DCAF5: variants seen among roughly 807,000 people sequenced by gnomAD.
The protein encoded by DCAF5 is DDB1 and CUL4 associated factor 5, also known as DDB1- and CUL4-associated factor 5.
Under a neutral mutation model 80.7 loss-of-function variants are expected in DCAF5, and 9 were observed. The ratio of observed to expected loss-of-function variants is 0.11; its 90% CI spans 0.07 to 0.19. DCAF5 has a LOEUF of 0.19. Ranked by LOEUF, DCAF5 falls within the 10% of genes least tolerant of loss-of-function variation. The probability of loss-of-function intolerance (pLI) is 1.00; values close to 1 mark genes in which losing one functional copy is unlikely to be tolerated. For synonymous variants in DCAF5, 433 were observed against 461.9 expected (o/e 0.94, Z 0.80); for missense variants, 842 against 1,205.7 (o/e 0.70, Z 4.47).
At chr14:69,084,618 T>G (rs574716643) in intron 6 of DCAF5, 1 of 902,456 alleles carries the variant, frequency 1.1e-6, no homozygotes, top group South Asian at 1.5e-5. Flanking sequence ...AAGAGATTCC[T>G]TCTACTCTTT....
intron 5 of DCAF5, among the ~76,000 whole-genome samples, chr14:69,093,811 C>T (rs1292824439): frequency 6.6e-6 from 1 of 152,180 alleles, no homozygotes; most frequent in African/African-American, 2.4e-5. Context: ...AGAGGGAAGA[C>T]TTAGAAAACC....
chr14:69,129,903 A>G (rs1475925858), intron 1 of DCAF5, among the ~76,000 whole-genome samples: 1 of 152,226 alleles, frequency 6.6e-6, no homozygotes, highest in Non-Finnish European at 1.5e-5. Context: ...ACCCCAAGAA[A>G]ATACAACTAC....
intron 7 of DCAF5, among the ~76,000 whole-genome samples, chr14:69,071,481 A>G (rs1026394120): frequency 1.3e-5 from 2 of 151,976 alleles, no homozygotes; most frequent in African/African-American, 4.8e-5. Context: ...CTTGTCATCT[A>G]GAGTCTAGTT....
chr14:69,071,013 G>T (rs555650743), intron 7 of DCAF5, among the ~76,000 whole-genome samples: 192 of 152,186 alleles, frequency 1.3e-3, no homozygotes, highest in Non-Finnish European at 2.3e-3. Flanking sequence ...AGCCAGATTG[G>T]TCTCAAACTC....
intron 5 of DCAF5, among the ~76,000 whole-genome samples, chr14:69,113,390 C>T (rs191556685): frequency 3.2e-4 from 48 of 152,250 alleles, no homozygotes; most frequent in African/African-American, 1.1e-3. Context: ...CTTTTGGAGT[C>T]AAGGGTCTCT....
chr14:69,122,803 C>G (rs2040761622), intron 1 of DCAF5, among the ~76,000 whole-genome samples: 1 of 152,170 alleles, frequency 6.6e-6, no homozygotes, highest in Non-Finnish European at 1.5e-5. Context: ...AAGCAATCTT[C>G]TTGATATGAT....
intron 5 of DCAF5, among the ~76,000 whole-genome samples, chr14:69,104,240 C>T (rs963588761): frequency 3.9e-5 from 6 of 152,162 alleles, no homozygotes; most frequent in African/African-American, 1.4e-4. Context: ...AGTTTCTCCA[C>T]ATCTTTACCA....
chr14:69,125,870 ATACTT>A (rs943424424), intron 1 of DCAF5, among the ~76,000 whole-genome samples: 3 of 152,294 alleles, frequency 2.0e-5, no homozygotes, highest in African/African-American at 7.2e-5. Context: ...ATACAAAACA[ATACTT>A]TATATTGTTT....
In DCAF5 at chr14:69,075,432, T is replaced by C. The variant is rs755611119; in HGVS notation, c.880-21A>G. On this transcript the variant is annotated intron_variant, in intron 6 of 8. Transcript: ENST00000341516. ...ATATACTGTTGGAACAAAAAATATA[T>C]AGATAACATTATATATTATAATATA... 8.8e-6 allele frequency: 13 copies of C among 1,480,320 alleles called. No individual in the cohort carries two copies. The South Asian group carries it at 1.2e-4, about 14-fold the overall frequency. 91.7% of individuals were successfully genotyped at this position (1,480,320 alleles called of 1,614,324 possible). A position where few individuals can be genotyped will look rare whatever the true frequency, so the allele number is the denominator to read the frequency against.
chr14:69,137,839 A>G lies in DCAF5; in HGVS notation c.214+14926T>C, dbSNP rs145417782. ...TTCACATAACTTTTATTACAGTATA[A>G]TATTATAATTGTTCTACTTTATTAC... is the stretch of plus-strand genomic sequence containing the variant. On this transcript the variant is annotated intron_variant, in intron 1 of 8. Transcript: ENST00000341516. Among the ~76,000 whole-genome samples the G allele has an allele frequency of 5.3e-5, 8 of 151,950 alleles. 1 individual carries two copies. The East Asian group carries it at 1.2e-3, about 22-fold the overall frequency.
intron 5 of DCAF5, among the ~76,000 whole-genome samples, chr14:69,103,403 C>A (rs2040031415): frequency 6.6e-6 from 1 of 152,200 alleles, no homozygotes; most frequent in Non-Finnish European, 1.5e-5. Flanking sequence ...AAAAGGAGAA[C>A]ATTATTACCT....
At chr14:69,077,558 T>C (rs1594954911) in intron 6 of DCAF5, among the ~76,000 whole-genome samples, 1 of 151,920 alleles carries the variant, frequency 6.6e-6, no homozygotes. Context: ...TAATTTTTTA[T>C]AGTGACAGGG....
rs1046601513 is a variant in DCAF5 at position 69,118,404 on chromosome 14, A to C, written c.396-126T>G. The C allele has an allele frequency of 4.4e-6, 4 of 908,354 alleles. No individual in the cohort carries two copies. The highest frequency in any genetic ancestry group is 6.2e-6 in the Non-Finnish European group (4 of 640,642). The allele number at this position is 908,354 out of a possible 1,614,324, so 56.3% of individuals were successfully genotyped here. A position where few individuals can be genotyped will look rare whatever the true frequency, so the allele number is the denominator to read the frequency against. On this transcript the variant is annotated intron_variant, in intron 3 of 8. Transcript: ENST00000341516. This position sits in a 1 kb window ranked among gnomAD's most constrained non-coding sequence, Gnocchi z 4.0. ...GAAGAAAGTCAACCTAGCTAAACCCAAAAAATATTATATTTCCTGAAAGGT... is the reference window on the plus strand; with the variant it reads ...GAAGAAAGTCAACCTAGCTAAACCCCAAAAATATTATATTTCCTGAAAGGT...
intron 5 of DCAF5, among the ~76,000 whole-genome samples, chr14:69,108,901 A>C (rs191667160): frequency 5.7e-4 from 87 of 152,060 alleles, no homozygotes; most frequent in African/African-American, 1.9e-3. Flanking sequence ...GGTCCACCTG[A>C]CTCTTCTCGT....
In DCAF5 at chr14:69,089,983, G is replaced by A. The variant is rs181892567; in HGVS notation, c.879+1691C>T. 902 of 985,406 alleles carry A rather than the reference G, an allele frequency of 9.2e-4. 3 individuals carry two copies. Among genetic ancestry groups the A allele is most frequent in the Non-Finnish European group, 1.0e-3 (858 of 829,934 alleles). 61.0% of individuals were successfully genotyped at this position (985,406 alleles called of 1,614,324 possible). ...GAGGTCTTTGTTCTGGGTCTTCTAAGGTCCATGAAGATAGGCTTTGTTGCT... is the reference window on the plus strand; with the variant it reads ...GAGGTCTTTGTTCTGGGTCTTCTAAAGTCCATGAAGATAGGCTTTGTTGCT... On this transcript the variant is annotated intron_variant, in intron 6 of 8. Coordinates refer to ENST00000341516, the MANE Select transcript of DCAF5 (RefSeq NM_003861.3).
At chr14:69,078,478 G>T (rs1194197747) in intron 6 of DCAF5, among the ~76,000 whole-genome samples, 1 of 152,160 alleles carries the variant, frequency 6.6e-6, no homozygotes, top group African/African-American at 2.4e-5. Flanking sequence ...CTGAAAACAA[G>T]ATCAGAGATA....
At chr14:69,077,746 C>T (rs3861671) in intron 6 of DCAF5, among the ~76,000 whole-genome samples, 10 of 152,114 alleles carry the variant, frequency 6.6e-5, no homozygotes, top group Non-Finnish European at 1.5e-4. Context: ...AAGTGTAAGT[C>T]CAACATACAC....
Position 69,153,027 on chromosome 14 carries a change from TCA to T in DCAF5, c.-51_-50del. ...TCGCGCCGCCGCCCCTCCCTCGGCC[TCA>T]CGCGCGGCCGCTGCTCCCCCCACCC... On this transcript the variant is annotated 5_prime_UTR_variant, in exon 1 of 9. Coordinates refer to ENST00000341516, the MANE Select transcript of DCAF5 (RefSeq NM_003861.3). The T allele has an allele frequency of 7.1e-7, 1 of 1,410,214 alleles. No homozygotes were observed. 87.4% of individuals were successfully genotyped at this position (1,410,214 alleles called of 1,614,324 possible).
At chr14:69,109,655 T>G (rs191664140) in intron 5 of DCAF5, among the ~76,000 whole-genome samples, 1 of 152,348 alleles carries the variant, frequency 6.6e-6, no homozygotes, top group East Asian at 1.9e-4. Flanking sequence ...AGTTTGTTGT[T>G]TATTTATGTT....
Sources: allele counts gnomAD v4.1 joint callset (sites outside exome capture counted in the v4.1 genomes callset), GRCh38; gene constraint gnomAD v4.1.1; non-coding constraint Gnocchi (gnomAD v3.1); transcripts MANE v1.5; gene names NCBI Gene and HGNC (gene_info 2026-07-23, HGNC 2026-07-21).